DPP10: variants seen among roughly 807,000 people sequenced by gnomAD.
DPP10 encodes the protein dipeptidyl peptidase like 10, also known as inactive dipeptidyl peptidase 10.
A neutral mutation model predicts 120.9 loss-of-function variants in DPP10; 33 were observed. The observed-to-expected ratio is 0.27, with a 90% CI of 0.21 to 0.37. The LOEUF (loss-of-function observed/expected upper bound fraction) is 0.37, where lower values mean the gene tolerates loss of function less well. DPP10 is among the 10% of genes least tolerant of loss of function. The pLI, the probability that DPP10 is intolerant of heterozygous loss-of-function variation, is 1.00. For missense variants in DPP10, 816 were observed against 942.8 expected (o/e 0.87, Z 1.76); for synonymous variants, 337 against 326.1 (o/e 1.03, Z -0.36).
chr2:115,030,532 G>C (rs1007621472), intron 1 of DPP10, among the ~76,000 whole-genome samples: 2 of 152,108 alleles, frequency 1.3e-5, no homozygotes, highest in African/African-American at 2.4e-5. Flanking sequence ...GTGTACGTTT[G>C]TTAGTTAAAT....
intron 2 of DPP10, among the ~76,000 whole-genome samples, chr2:115,339,542 C>T (rs528328288): frequency 6.6e-6 from 1 of 152,098 alleles, no homozygotes; most frequent in East Asian, 1.9e-4. Flanking sequence ...TATCCCCAAA[C>T]CAGAAATAAC....
intron 3 of DPP10, among the ~76,000 whole-genome samples, chr2:115,486,157 C>T (rs1361335397): frequency 6.6e-6 from 1 of 152,030 alleles, no homozygotes; most frequent in Admixed American, 6.6e-5. Context: ...TTGTCTTTGA[C>T]CCATATGTCT....
chr2:114,499,129 C>G (rs913272647), intron 1 of DPP10, among the ~76,000 whole-genome samples: 4 of 152,186 alleles, frequency 2.6e-5, no homozygotes, highest in Non-Finnish European at 4.4e-5. Flanking sequence ...TATCCCTGAT[C>G]TCTCATGCTA....
intron 5 of DPP10, among the ~76,000 whole-genome samples, chr2:115,608,551 T>C (rs1401413662): frequency 6.6e-6 from 1 of 152,054 alleles, no homozygotes; most frequent in Non-Finnish European, 1.5e-5. Flanking sequence ...CCAAATAAAA[T>C]GGGGACAATT....
At chr2:114,700,318 C>A (rs1361046158) in intron 1 of DPP10, among the ~76,000 whole-genome samples, 1 of 152,080 alleles carries the variant, frequency 6.6e-6, no homozygotes, top group Non-Finnish European at 1.5e-5. Flanking sequence ...TCTGCATATC[C>A]AATAGACAGA....
chr2:115,257,344 GTGTAAT>G (rs2059047864), intron 1 of DPP10, among the ~76,000 whole-genome samples: 1 of 140,714 alleles, frequency 7.1e-6, no homozygotes, highest in South Asian at 2.5e-4. Context: ...AAGAAGAGAG[GTGTAAT>G]TGACTCACAG....
intron 1 of DPP10, among the ~76,000 whole-genome samples, chr2:115,305,055 G>A (rs1170402687): frequency 6.6e-6 from 1 of 152,038 alleles, no homozygotes; most frequent in Non-Finnish European, 1.5e-5. Context: ...TTGAACACAA[G>A]CGTTTCAACT....
At chr2:115,635,052 C>T (rs1345730008) in intron 5 of DPP10, among the ~76,000 whole-genome samples, 1 of 151,878 alleles carries the variant, frequency 6.6e-6, no homozygotes, top group African/African-American at 2.4e-5. Context: ...CCAAACCATC[C>T]ATTTTCCCTG....
chr2:114,955,712 C>G (rs1698149335), intron 1 of DPP10, among the ~76,000 whole-genome samples: 1 of 152,030 alleles, frequency 6.6e-6, no homozygotes, highest in Non-Finnish European at 1.5e-5. Context: ...TATAGCAAAC[C>G]AAGTTTAACA....
intron 4 of DPP10, among the ~76,000 whole-genome samples, chr2:115,507,979 A>G (rs1237019431): frequency 1.3e-5 from 2 of 152,110 alleles, no homozygotes; most frequent in East Asian, 3.9e-4. Context: ...AACTTGTTGG[A>G]AATAGAGGAA....
chr2:115,113,243 A>G (rs947480828), intron 1 of DPP10, among the ~76,000 whole-genome samples: 10 of 151,802 alleles, frequency 6.6e-5, no homozygotes, highest in Non-Finnish European at 1.5e-4. Flanking sequence ...TATACCATAT[A>G]TTATGTTTCA....
At chr2:114,841,406 T>C (rs1306091105) in intron 1 of DPP10, among the ~76,000 whole-genome samples, 1 of 152,150 alleles carries the variant, frequency 6.6e-6, no homozygotes, top group African/African-American at 2.4e-5. Context: ...GGGGTAAGAC[T>C]ATGGTTTGAG....
At chr2:115,536,552 G>C (rs1274685105) in intron 5 of DPP10, among the ~76,000 whole-genome samples, 1 of 151,940 alleles carries the variant, frequency 6.6e-6, no homozygotes, top group Non-Finnish European at 1.5e-5. Flanking sequence ...ACATTAATTA[G>C]TGTTCTTGAT....
chr2:114,853,600 A>G (rs983734590), intron 1 of DPP10, among the ~76,000 whole-genome samples: 3 of 152,182 alleles, frequency 2.0e-5, no homozygotes, highest in Admixed American at 2.0e-4. Context: ...ACCTCTACTT[A>G]AGTGGGGGCT....
chr2:115,712,566 A>ATATATATATATATATATATATATATAT (rs70941090), intron 7 of DPP10, among the ~76,000 whole-genome samples: 487 of 121,370 alleles, frequency 4.0e-3, no homozygotes, highest in Non-Finnish European at 6.0e-3. Flanking sequence ...ATATATATAT[A>ATATATATATATATATATATATATATAT]AAGAAACTGT....
chr2:114,846,916 A>G (rs561566086), intron 1 of DPP10, among the ~76,000 whole-genome samples: 12 of 152,254 alleles, frequency 7.9e-5, no homozygotes, highest in Admixed American at 7.9e-4. Context: ...CCTCTAAAAC[A>G]CAAAATCTGA....
At chr2:114,748,456 G>A (rs1220858491) in intron 1 of DPP10, among the ~76,000 whole-genome samples, 1 of 138,832 alleles carries the variant, frequency 7.2e-6, no homozygotes, top group Non-Finnish European at 1.5e-5. Flanking sequence ...ACATTGTGCA[G>A]GTTAGTTACA....
rs1381446285 is a variant in DPP10, at chr2:115,343,836, A to G, written c.195A>G (p.Ser65=). The change falls in exon 3 of 26, where the codon TCA becomes TCG. Residue 65 remains serine, a synonymous_variant. Transcript: ENST00000410059. ...LLTPDELTNS[S]ETRLSLEDLF... ...TTTTAGATGAACTCACAAATTCGTC[A>G]GAAACCAGATTGTCTTTGGAAGACC... 1.2e-6 allele frequency: 2 copies of G among 1,611,966 alleles called. No individual in the cohort carries two copies. The highest frequency in any genetic ancestry group is 1.7e-6 in the Non-Finnish European group (2 of 1,179,142).
intron 7 of DPP10, among the ~76,000 whole-genome samples, chr2:115,714,084 T>C (rs985251800): frequency 6.6e-6 from 1 of 152,198 alleles, no homozygotes; most frequent in Admixed American, 6.5e-5. Context: ...TAGTCTATTC[T>C]AATGTTAAAG....
Sources: gnomAD v4.1 joint callset for allele counts (sites outside exome capture counted in the v4.1 genomes callset) on GRCh38, gnomAD v4.1.1 for gene constraint, MANE v1.5 for transcripts, NCBI Gene and HGNC (gene_info 2026-07-23, HGNC 2026-07-21) for gene names.